NKD1: variants seen among roughly 807,000 people sequenced by gnomAD.
NKD1 encodes NKD inhibitor of Wnt signaling pathway 1, also known as protein naked cuticle homolog 1.
A neutral mutation model predicts 56.0 loss-of-function variants in NKD1; 21 were observed. The observed-to-expected ratio is 0.38, with a 90% CI of 0.27 to 0.54. The LOEUF is 0.54. Ranked by LOEUF, NKD1 falls within the 20% of genes least tolerant of loss-of-function variation. The pLI is 0.82. For missense variants in NKD1, 578 were observed against 642.7 expected (o/e 0.90, Z 1.09); for synonymous variants, 263 against 265.7 (o/e 0.99, Z 0.10).
At chr16:50,630,036 C>T (rs558909198) in intron 6 of NKD1, 150 bp from the exon 7 acceptor site, 29 of 633,646 alleles carry the variant, frequency 4.6e-5, no homozygotes, top group African/African-American at 2.0e-4. Context: ...TCCTCCCAAA[C>T]GAACCTCAGA....
chr16:50,612,997 G>A (rs74460821), intron 4 of NKD1, among the ~76,000 whole-genome samples: 3,348 of 152,260 alleles, frequency 0.022, 60 homozygotes, highest in Non-Finnish European at 0.035. Flanking sequence ...TAGCCTGGGA[G>A]CTTGGGGCTG....
rs1003954312 is a variant in NKD1 at position 50,570,545 on chromosome 16, T to G, written c.192+20990T>G. Among the ~76,000 whole-genome samples, 3 of 152,202 alleles carry G rather than the reference T, an allele frequency of 2.0e-5. No individual in the cohort carries two copies. The South Asian group carries it at 6.2e-4, about 32-fold the overall frequency. ...ACTAGCTGTGTGACCTTTGGGCGAG[T>G]GCCTTAACCTCTCTGTGTCTCTGTT... On this transcript the variant is annotated intron_variant, in intron 3 of 9. Transcript: ENST00000268459.
chr16:50,600,395 G>T (rs1961568866), intron 3 of NKD1, among the ~76,000 whole-genome samples: 1 of 151,982 alleles, frequency 6.6e-6, no homozygotes, highest in African/African-American at 2.4e-5. Context: ...CCCAGGAGTT[G>T]GAGGCTGCAG....
intron 3 of NKD1, among the ~76,000 whole-genome samples, chr16:50,568,190 C>G (rs1423245138): frequency 6.6e-6 from 1 of 152,164 alleles, no homozygotes; most frequent in African/African-American, 2.4e-5. Flanking sequence ...CCCCTGAGCA[C>G]CCGCCTACCT....
chr16:50,548,422 A>C lies in NKD1; in HGVS notation c.-132A>C. On this transcript the variant is annotated 5_prime_UTR_variant, in exon 1 of 10. Transcript: ENST00000268459. ...GTCGGGCCGCGGCGACGGCGGCAGG[A>C]GCGCGTCCCGGCGCCGCCTCGGGCT... 3 of 214,374 alleles carry C rather than the reference A, an allele frequency of 1.4e-5. No individual in the cohort carries two copies. The highest frequency in any genetic ancestry group is 1.6e-4 in the South Asian group (1 of 6,256). The allele number at this position is 214,374 out of a possible 1,614,324, so 13.3% of individuals were successfully genotyped here.
At chr16:50,548,630 G>A in intron 1 of NKD1, 52 bp downstream of exon 1, 1 of 1,444,262 alleles carries the variant, frequency 6.9e-7, no homozygotes, top group African/African-American at 1.5e-5. Context: ...CGTCGCCGCC[G>A]CGGTCGCTAA....
Position 50,633,757 on chromosome 16 carries a change from T to G in NKD1, c.1389T>G (p.His463Gln), listed in dbSNP as rs927066071. 1 of 1,509,596 alleles carries G rather than the reference T, an allele frequency of 6.6e-7. No homozygotes were observed. The highest frequency in any genetic ancestry group is 8.9e-7 in the Non-Finnish European group (1 of 1,121,484). The allele number at this position is 1,509,596 out of a possible 1,614,324, so 93.5% of individuals were successfully genotyped here. The change falls in exon 10 of 10, where the codon CAT becomes CAG. Residue 463 changes from histidine (H) to glutamine (Q), a missense_variant. Physicochemically the swap from His to Gln is conservative, Grantham distance 24. Transcript: ENST00000268459. This position sits in a 1 kb window ranked among gnomAD's most constrained non-coding sequence, Gnocchi z 4.9. ...EHHHHHEHHHHYHHFYQT is the reference protein window; with the variant it reads ...EHHHHHEHHHQYHHFYQT The stretch of plus-strand genomic sequence containing the variant: ...ACCACCACCATGAACATCACCACCA[T>G]TACCACCACTTCTACCAGACATAGA...
chr16:50,602,067 G>A (rs2151274078), intron 3 of NKD1, among the ~76,000 whole-genome samples: 1 of 152,308 alleles, frequency 6.6e-6, no homozygotes. Context: ...GTTGGGATGG[G>A]CTGGGTAATT....
intron 3 of NKD1, among the ~76,000 whole-genome samples, chr16:50,596,787 A>T (rs1162623564): frequency 1.3e-5 from 2 of 152,212 alleles, no homozygotes; most frequent in African/African-American, 4.8e-5. Flanking sequence ...GTTTTAAATA[A>T]AGAGATTTGG....
Position 50,649,069 on chromosome 16 carries a change from T to C in NKD1, c.*15288T>C, listed in dbSNP as rs1962731639. 6.6e-6 allele frequency: 1 copy of C among 152,202 alleles called. No homozygotes were observed. Among genetic ancestry groups the C allele is most frequent in the African/African-American group, 2.4e-5 (1 of 41,444 alleles). 9.4% of individuals were successfully genotyped at this position (152,202 alleles called of 1,614,324 possible). On this transcript the variant is annotated 3_prime_UTR_variant, in exon 10 of 10. Coordinates refer to ENST00000268459, the MANE Select transcript of NKD1 (RefSeq NM_033119.5). ...AACCTGAATTGTAAGTGAAATTGCTTTCCTGATAGCAAACCTGTTGGATTT... is the reference window on the plus strand; with the variant it reads ...AACCTGAATTGTAAGTGAAATTGCTCTCCTGATAGCAAACCTGTTGGATTT...
chr16:50,580,071 C>G (rs1326964695), intron 3 of NKD1, among the ~76,000 whole-genome samples: 2 of 152,096 alleles, frequency 1.3e-5, no homozygotes, highest in Non-Finnish European at 2.9e-5. Context: ...CGGCTAGTCG[C>G]TACACATGCA....
At chr16:50,609,966 G>A (rs1027815816) in intron 4 of NKD1, among the ~76,000 whole-genome samples, 2 of 152,170 alleles carry the variant, frequency 1.3e-5, no homozygotes, top group Non-Finnish European at 2.9e-5. Context: ...CTAGACAGAT[G>A]ATAACCATAG....
intron 4 of NKD1, among the ~76,000 whole-genome samples, chr16:50,612,609 A>G (rs1327077145): frequency 6.6e-6 from 1 of 152,174 alleles, no homozygotes; most frequent in Non-Finnish European, 1.5e-5. Context: ...AGGTAGAGTG[A>G]GGAGGCTTTT....
intron 3 of NKD1, chr16:50,555,371 C>G (rs1207945931): frequency 6.6e-6 from 1 of 152,478 alleles, no homozygotes; most frequent in Non-Finnish European, 1.5e-5. Context: ...CTGTCTGTCC[C>G]CCTGGACAGG....
At chr16:50,604,898 A>G (rs1157220994) in intron 3 of NKD1, among the ~76,000 whole-genome samples, 1 of 152,210 alleles carries the variant, frequency 6.6e-6, no homozygotes, top group Non-Finnish European at 1.5e-5. Context: ...GGGAGCTTTG[A>G]GTCCTGCTAG....
chr16:50,598,262 T>TGTGTGCGCGCGC lies in NKD1; in HGVS notation c.193-10031_193-10030insTGTGCGCGCGCG, dbSNP rs138964473. Among the ~76,000 whole-genome samples, 1,543 of 148,506 alleles carry TGTGTGCGCGCGC rather than the reference T, an allele frequency of 0.01. 8 individuals are homozygous for TGTGTGCGCGCGC. Among genetic ancestry groups the TGTGTGCGCGCGC allele is most frequent in the East Asian group, 0.018 (90 of 5,070 alleles). ...GTGTGTGTGTGTGTGTGTGTGTGTG[T>TGTGTGCGCGCGC]GCGCGCACACCTGTGCTCATGGACA... is the stretch of plus-strand genomic sequence containing the variant. On this transcript the variant is annotated intron_variant, in intron 3 of 9. Transcript: ENST00000268459. The surrounding 1 kb of genome is among the most constrained non-coding windows in gnomAD (Gnocchi z 4.2).
chr16:50,571,546 T>G, intron 3 of NKD1: 1 of 984,980 alleles, frequency 1.0e-6, no homozygotes, highest in Non-Finnish European at 1.2e-6. Context: ...AGCCTCCCAG[T>G]CCCAGTGACG....
intron 3 of NKD1, chr16:50,570,965 G>C (rs1237581113): frequency 1.0e-6 from 1 of 985,336 alleles, no homozygotes; most frequent in African/African-American, 1.7e-5. Flanking sequence ...ACTGAGGGCT[G>C]GCTGGTGGTA....
chr16:50,627,583 TC>T (rs1254418409), intron 6 of NKD1, among the ~76,000 whole-genome samples: 1 of 152,132 alleles, frequency 6.6e-6, no homozygotes, highest in Non-Finnish European at 1.5e-5. Context: ...TAAATACAGT[TC>T]CCTTCCACGC....
Sources: gnomAD v4.1 joint callset for allele counts (sites outside exome capture counted in the v4.1 genomes callset) on GRCh38, gnomAD v4.1.1 for gene constraint, Gnocchi (gnomAD v3.1) non-coding constraint, MANE v1.5 for transcripts, NCBI Gene and HGNC (gene_info 2026-07-23, HGNC 2026-07-21) for gene names.